Variants in PRKDC observed in about 807,000 individuals in gnomAD.
PRKDC encodes the protein DNA-dependent protein kinase catalytic subunit.
A neutral mutation model predicts 486.9 loss-of-function variants in PRKDC; 82 were observed. That is an observed-to-expected ratio of 0.17 (90% CI 0.14 to 0.20). The LOEUF (loss-of-function observed/expected upper bound fraction) is 0.20, where lower values mean the gene tolerates loss of function less well. Ranked by LOEUF, PRKDC falls within the 10% of genes least tolerant of loss-of-function variation. The pLI is 1.00. For synonymous variants in PRKDC, 1,895 were observed against 1,837.0 expected (o/e 1.03, Z -0.81); for missense variants, 4,504 against 5,038.2 (o/e 0.89, Z 3.21).
At chr8:47,869,509 A>G (rs2088897491) in intron 40 of PRKDC, among the ~76,000 whole-genome samples, 1 of 151,924 alleles carries the variant, frequency 6.6e-6, no homozygotes, top group Admixed American at 6.6e-5. Context: ...GTGACGAATT[A>G]TCAGTGCTAA....
intron 11 of PRKDC, among the ~76,000 whole-genome samples, chr8:47,937,294 T>C (rs2090369026): frequency 6.6e-6 from 1 of 152,188 alleles, no homozygotes; most frequent in Non-Finnish European, 1.5e-5. Flanking sequence ...TATCTCATTA[T>C]AAAGATGCTT....
chr8:47,789,917 A>C (rs1361436435), intron 74 of PRKDC, among the ~76,000 whole-genome samples: 1 of 152,234 alleles, frequency 6.6e-6, no homozygotes, highest in Admixed American at 6.5e-5. Flanking sequence ...GAAGGAACAT[A>C]TCTCAACACA....
chr8:47,785,090 G>T, intron 77 of PRKDC, 23 bp downstream of exon 77: 1 of 1,609,880 alleles, frequency 6.2e-7, no homozygotes, highest in Non-Finnish European at 8.5e-7. Context: ...GTACAGTTTT[G>T]TCACCCCTGG....
chr8:47,835,360 T>C (rs1249933331), intron 58 of PRKDC, among the ~76,000 whole-genome samples: 1 of 151,988 alleles, frequency 6.6e-6, no homozygotes, highest in Non-Finnish European at 1.5e-5. Flanking sequence ...CATTTCTTTT[T>C]TAGAAAAATT....
chr8:47,904,371 A>G (rs1015920442), intron 26 of PRKDC, among the ~76,000 whole-genome samples: 1 of 152,190 alleles, frequency 6.6e-6, no homozygotes, highest in Non-Finnish European at 1.5e-5. Context: ...TCTCATGCCT[A>G]AGCCACCTGG....
chr8:47,821,829 T>C, intron 64 of PRKDC, 37 bp from the exon 65 acceptor site: 1 of 1,476,648 alleles, frequency 6.8e-7, no homozygotes, highest in Non-Finnish European at 9.0e-7. Context: ...TTTTACAAAG[T>C]TGGAAAGAAT....
rs185624562 is a variant in PRKDC, at chr8:47,952,575, G to A, written c.721+1045C>T. On this transcript the variant is annotated intron_variant, in intron 7 of 85. Transcript: ENST00000314191. ...CACGTGACAGAATTACACAAAACTC[G>A]CTAGGTGTGGTGGCTCATGCCTATA... 3.8e-3 allele frequency among the ~76,000 whole-genome samples: 571 copies of A among 152,264 alleles called. 2 individuals carry two copies. Among genetic ancestry groups the A allele is most frequent in the Non-Finnish European group, 5.9e-3 (398 of 68,016 alleles).
In PRKDC at chr8:47,782,171, G is replaced by A. The variant is rs1589691523; in HGVS notation, c.11480C>T (p.Ala3827Val). The A allele has an allele frequency of 6.2e-7, 1 of 1,613,828 alleles. No individual in the cohort carries two copies. Among genetic ancestry groups the A allele is most frequent in the Admixed American group, 1.7e-5 (1 of 60,022 alleles). ...LNTMSQEEKAAYLSDPRAPPC... is the reference protein window; with the variant it reads ...LNTMSQEEKAVYLSDPRAPPC... ...GTGTGGCCGCCCTTACCTCAGGTAA[G>A]CCGCCTTCTCCTCTTGGGACATGGT... is the stretch of plus-strand genomic sequence containing the variant. Residue 3827 changes from alanine to valine, a missense_variant, in exon 80 of 86, where the codon GCT (alanine) becomes GTT (valine). Physicochemically the swap from Ala to Val is moderately conservative, Grantham distance 64. This residue lies in a region of PRKDC where 706 missense variants were observed against 945.0 expected (regional missense o/e 0.75). Coordinates refer to ENST00000314191, the MANE Select transcript of PRKDC (RefSeq NM_006904.7). This position sits in a 1 kb window ranked among gnomAD's most constrained non-coding sequence, Gnocchi z 4.9.
Position 47,858,938 on chromosome 8 carries a change from C to T in PRKDC, c.6256G>A (p.Asp2086Asn), listed in dbSNP as rs2088610538. The stretch of plus-strand genomic sequence containing the variant: ...ATGCACTCATGCCGATTGAGCTCGT[C>T]CATCTCCAGCTCCAGCACATCATCA... ...VHDDVLELEM[D>N]ELNRHECMAP... is the part of the protein sequence containing the mutation. The change falls in exon 47 of 86, where the codon GAC (aspartate) becomes AAC (asparagine). Residue 2086 changes from aspartate to asparagine, a missense_variant. Transcript: ENST00000314191. 6.2e-7 allele frequency: 1 copy of T among 1,613,692 alleles called. No individual in the cohort carries two copies. Among genetic ancestry groups the T allele is most frequent in the Non-Finnish European group, 8.5e-7 (1 of 1,179,890 alleles).
chr8:47,826,964 G>T, intron 62 of PRKDC, 103 bp from the exon 63 acceptor site: 2 of 1,111,356 alleles, frequency 1.8e-6, no homozygotes, highest in Non-Finnish European at 1.2e-6. Context: ...ACCCATGTGG[G>T]TAGTGATATC....
At chr8:47,861,914 C>T (rs2088685683) in intron 44 of PRKDC, 148 bp downstream of exon 44, 1 of 619,270 alleles carries the variant, frequency 1.6e-6, no homozygotes, top group Non-Finnish European at 2.8e-6. Context: ...TCTGAAGCTA[C>T]AATTGCCAGA....
intron 31 of PRKDC, among the ~76,000 whole-genome samples, chr8:47,892,713 T>G (rs2089489148): frequency 6.6e-6 from 1 of 152,158 alleles, no homozygotes; most frequent in African/African-American, 2.4e-5. Flanking sequence ...AAAAACTTAA[T>G]ACTTTAGGAT....
At chr8:47,932,920 A>G (rs1429214588) in intron 16 of PRKDC, 100 bp downstream of exon 16, 6 of 1,066,876 alleles carry the variant, frequency 5.6e-6, no homozygotes, top group Non-Finnish European at 1.3e-6. Context: ...AATTTTCTCC[A>G]GTTCTCCTCT....
intron 31 of PRKDC, among the ~76,000 whole-genome samples, chr8:47,892,433 C>T (rs1441904853): frequency 6.6e-6 from 1 of 152,094 alleles, no homozygotes; most frequent in Non-Finnish European, 1.5e-5. Flanking sequence ...CAGGCTCAAG[C>T]GATCCTCCCA....
intron 40 of PRKDC, among the ~76,000 whole-genome samples, chr8:47,865,115 TGGTGGCTC>T (rs1474480797): frequency 9.2e-5 from 14 of 152,286 alleles, no homozygotes; most frequent in African/African-American, 3.4e-4. Flanking sequence ...TGGCTGGGCG[TGGTGGCTC>T]ACGCCTGTAA....
At chr8:47,833,750 C>T (rs2087942732) in intron 59 of PRKDC, among the ~76,000 whole-genome samples, 1 of 152,164 alleles carries the variant, frequency 6.6e-6, no homozygotes, top group African/African-American at 2.4e-5. Flanking sequence ...GCCTACCCAC[C>T]CTGACACTTC....
At position 47,776,909 on chromosome 8, in the gene PRKDC, G is replaced by A. The variant is rs2086619004; in HGVS notation, c.12117C>T (p.Tyr4039=). 4 of 1,613,616 alleles carry A rather than the reference G, an allele frequency of 2.5e-6. No individual in the cohort carries two copies. Among genetic ancestry groups the A allele is most frequent in the Admixed American group, 1.7e-5 (1 of 59,986 alleles). Residue 4039 remains tyrosine, a synonymous_variant, in exon 85 of 86, where the codon TAC becomes TAT. Coordinates refer to ENST00000314191, the MANE Select transcript of PRKDC (RefSeq NM_006904.7). The stretch of plus-strand genomic sequence containing the variant: ...TAGCGTAACATATTTTCTGTCGGGG[G>A]TACCAATTTTTTTCAGCAACATTTA... ...QEINVAEKNW[Y]PRQKICYAKR... is the part of the protein sequence containing the mutation.
chr8:47,864,789 G>C, intron 40 of PRKDC, 26 bp from the exon 41 acceptor site: 2 of 1,512,662 alleles, frequency 1.3e-6, no homozygotes, highest in South Asian at 2.6e-5. Context: ...AAAATTATAT[G>C]AACATCCCTG....
chr8:47,813,093 ATATTTATTTATTTATTTATT>A (rs139524100), intron 68 of PRKDC, among the ~76,000 whole-genome samples: 7 of 148,090 alleles, frequency 4.7e-5, no homozygotes, highest in Admixed American at 6.7e-5. Context: ...ATAGAATTTT[ATATTTATTTATTTATTTATT>A]TATTTATTTA....
Sources: allele counts gnomAD v4.1 joint callset (sites outside exome capture counted in the v4.1 genomes callset), GRCh38; gene constraint gnomAD v4.1.1; regional missense constraint gnomAD v4.1.1; non-coding constraint Gnocchi (gnomAD v3.1); transcripts MANE v1.5; gene names NCBI Gene and HGNC (gene_info 2026-07-23, HGNC 2026-07-21).